Variants in FMN1 observed in about 807,000 individuals in gnomAD.
FMN1 encodes formin-1.
A neutral mutation model predicts 132.4 loss-of-function variants in FMN1; 110 were observed. The ratio of observed to expected loss-of-function variants is 0.83; its 90% CI spans 0.71 to 0.97. The LOEUF is 0.97. FMN1 is among the 50% of genes least tolerant of loss of function. The pLI, the probability that FMN1 is intolerant of heterozygous loss-of-function variation, is 0.00. For missense variants in FMN1, 1,792 were observed against 1,705.3 expected (o/e 1.05, Z -0.90); for synonymous variants, 722 against 651.7 (o/e 1.11, Z -1.64).
intron 6 of FMN1, among the ~76,000 whole-genome samples, chr15:33,033,905 C>T (rs1196000819): frequency 1.3e-5 from 2 of 152,282 alleles, no homozygotes; most frequent in Non-Finnish European, 2.9e-5. Context: ...ACTTTCCTCA[C>T]GTAGCATTCA....
At chr15:33,012,463 G>C in intron 6 of FMN1, 1 of 1,097,534 alleles carries the variant, frequency 9.1e-7, no homozygotes, top group Non-Finnish European at 1.4e-6. Context: ...AGAAGACACA[G>C]AAGAACATCA....
chr15:32,993,765 G>C (rs751458587), intron 7 of FMN1, among the ~76,000 whole-genome samples: 1 of 152,108 alleles, frequency 6.6e-6, no homozygotes, highest in Non-Finnish European at 1.5e-5. Flanking sequence ...GGTAATGCTT[G>C]TTGTCAGAGA....
chr15:32,938,856 G>C (rs1396821154), intron 9 of FMN1, among the ~76,000 whole-genome samples: 1 of 151,938 alleles, frequency 6.6e-6, no homozygotes, highest in Non-Finnish European at 1.5e-5. Flanking sequence ...CTTATGAATT[G>C]TCTTTATATT....
rs138830757 is a variant in FMN1, at chr15:32,975,235, C to T, written c.2224-5758G>A. Among the ~76,000 whole-genome samples, 1,186 of 152,278 alleles carry T rather than the reference C, an allele frequency of 7.8e-3. 19 individuals carry two copies. The highest frequency in any genetic ancestry group is 0.027 in the African/African-American group (1,125 of 41,548). On this transcript the variant is annotated intron_variant, in intron 7 of 20. Coordinates refer to ENST00000616417, the MANE Select transcript of FMN1 (RefSeq NM_001277313.2). ...TTCTAGGTTCATGTTGCATTATACT[C>T]ATTTCTGTTTATCTTCTTTGCAAAT...
intron 9 of FMN1, among the ~76,000 whole-genome samples, chr15:32,928,143 C>T (rs2140363447): frequency 6.6e-6 from 1 of 151,848 alleles, no homozygotes; most frequent in East Asian, 1.9e-4. Flanking sequence ...AACGATTAGA[C>T]CTAAAAGATA....
At chr15:32,945,980 T>C (rs965654887) in intron 9 of FMN1, among the ~76,000 whole-genome samples, 14 of 151,144 alleles carry the variant, frequency 9.3e-5, no homozygotes, top group African/African-American at 2.5e-4. Flanking sequence ...ACTCTGTTAA[T>C]TTTCTGGCTA....
chr15:32,863,959 A>G (rs897492878), intron 16 of FMN1, among the ~76,000 whole-genome samples: 1 of 152,258 alleles, frequency 6.6e-6, no homozygotes, highest in East Asian at 1.9e-4. Flanking sequence ...AAGTTAGAAC[A>G]GTAATATTTT....
chr15:32,902,171 G>C (rs1001135655), intron 12 of FMN1, 131 bp from the exon 13 acceptor site: 2 of 754,048 alleles, frequency 2.7e-6, no homozygotes, highest in Non-Finnish European at 2.1e-6. Context: ...GTGTCACATA[G>C]GTAGACTCAA....
At chr15:33,123,535 G>A (rs1962765251) in intron 4 of FMN1, among the ~76,000 whole-genome samples, 1 of 152,206 alleles carries the variant, frequency 6.6e-6, no homozygotes, top group Non-Finnish European at 1.5e-5. Context: ...ACAAGGCCTA[G>A]AATCTATTTC....
intron 4 of FMN1, among the ~76,000 whole-genome samples, chr15:33,127,320 C>T (rs1057492528): frequency 8.6e-5 from 13 of 152,012 alleles, no homozygotes; most frequent in East Asian, 3.9e-4. Flanking sequence ...TAATGCTCCT[C>T]CACATTCAAC....
rs61733781 is a variant in FMN1 at position 33,154,547 on chromosome 15, G to A, written c.368C>T (p.Ser123Phe). 3.7e-3 allele frequency: 5,755 copies of A among 1,536,084 alleles called. 29 individuals carry two copies. Among genetic ancestry groups the A allele is most frequent in the South Asian group, 6.4e-3 (535 of 84,056 alleles). Residue 123 changes from serine (S) to phenylalanine (F), a missense_variant, in exon 4 of 21, where the codon TCC becomes TTC. Ser to Phe is a radical substitution (Grantham distance 155). This residue lies in a region of FMN1 where 638 missense variants were observed against 645.2 expected (regional missense o/e 0.99). Transcript: ENST00000616417. The part of the protein sequence containing the change: ...GNQEGKLQEL[S>F]VSLAPEDDCF... ...GTCATCCTCGGGGGCCAGGCTCACG[G>A]ACAGCTCTTGCAGCTTCCCCTCCTG...
At chr15:33,125,679 A>G (rs1451478820) in intron 4 of FMN1, among the ~76,000 whole-genome samples, 3 of 148,672 alleles carry the variant, frequency 2.0e-5, no homozygotes, top group Non-Finnish European at 4.4e-5. Flanking sequence ...GTCTCTACTA[A>G]AATACAAAAA....
chr15:33,146,762 G>C (rs8039314), intron 4 of FMN1, among the ~76,000 whole-genome samples: 1 of 152,172 alleles, frequency 6.6e-6, no homozygotes, highest in African/African-American at 2.4e-5. Context: ...TAAGTGATCA[G>C]AAAGCAAATA....
chr15:33,105,963 T>C (rs1388579847), intron 4 of FMN1: 1 of 152,104 alleles, frequency 6.6e-6, no homozygotes, highest in African/African-American at 2.4e-5. Context: ...CTTTGATGTG[T>C]AGCATGAAGG....
chr15:32,950,529 G>T (rs1387352171), intron 9 of FMN1, among the ~76,000 whole-genome samples: 1 of 152,174 alleles, frequency 6.6e-6, no homozygotes, highest in Non-Finnish European at 1.5e-5. Flanking sequence ...ATGAGATCAT[G>T]ACTTTGCAGG....
chr15:32,900,666 T>A (rs1283562905), intron 13 of FMN1, among the ~76,000 whole-genome samples: 1 of 152,258 alleles, frequency 6.6e-6, no homozygotes, highest in African/African-American at 2.4e-5. Context: ...AATAAATTTA[T>A]TAAACTTACT....
chr15:33,087,990 A>G lies in FMN1; in HGVS notation c.2043+809T>C, dbSNP rs141796494. Among the ~76,000 whole-genome samples, 34 of 152,272 alleles carry G rather than the reference A, an allele frequency of 2.2e-4. No homozygotes were observed. The South Asian group carries it at 3.5e-3, about 16-fold the overall frequency. The stretch of plus-strand genomic sequence containing the variant: ...AACCAAACATTCTATGTTCTCACTC[A>G]TAAGTGGGAGCTAAGCTATGAGGAC... On this transcript the variant is annotated intron_variant, in intron 5 of 20. Transcript: ENST00000616417.
rs189806299 is a variant in FMN1 at position 33,038,658 on chromosome 15, A to G, written c.2161+26299T>C. ...TCAACATAAAACAGGCGTGTTTTGT[A>G]TTTTAATAAAGAAGGCTTCCCAGAT... On this transcript the variant is annotated intron_variant, in intron 6 of 20. Transcript: ENST00000616417. 2.1e-3 allele frequency among the ~76,000 whole-genome samples: 325 copies of G among 152,306 alleles called. 1 individual carries two copies. Among genetic ancestry groups the G allele is most frequent in the African/African-American group, 7.5e-3 (313 of 41,572 alleles).
chr15:32,832,510 T>G (rs566829472), intron 17 of FMN1, among the ~76,000 whole-genome samples: 1 of 152,230 alleles, frequency 6.6e-6, no homozygotes, highest in South Asian at 2.1e-4. Flanking sequence ...CTGGGTGCGG[T>G]GGCTCACACC....
Sources: gnomAD v4.1 joint callset for allele counts (sites outside exome capture counted in the v4.1 genomes callset) on GRCh38, gnomAD v4.1.1 for gene constraint, gnomAD v4.1.1 regional missense constraint, MANE v1.5 for transcripts, NCBI Gene and HGNC (gene_info 2026-07-23, HGNC 2026-07-21) for gene names.